The following PSMD14 variants were observed in gnomAD, a reference collection of about 807,000 sequenced individuals.
PSMD14 encodes ubiquitin C-terminal hydrolase PSMD14.
PSMD14 carries 7 observed loss-of-function variants against 41.2 expected under a neutral mutation model. The observed-to-expected ratio is 0.17, with a 90% CI of 0.10 to 0.32. PSMD14 has a LOEUF of 0.32. Among genes scored for constraint, PSMD14 ranks in the 10% least tolerant of loss-of-function variants. The pLI, the probability that PSMD14 is intolerant of heterozygous loss-of-function variation, is 1.00. For synonymous variants in PSMD14, 114 were observed against 122.3 expected, an observed-to-expected ratio of 0.93 and a Z score of 0.45; for missense variants, 139 against 375.6, an observed-to-expected ratio of 0.37 and a Z score of 5.21.
At chr2:161,326,649 A>G (rs1019582334) in intron 3 of PSMD14, among the ~76,000 whole-genome samples, 1 of 152,194 alleles carries the variant, frequency 6.6e-6, no homozygotes, top group African/African-American at 2.4e-5. Flanking sequence ...GGTGGAAACA[A>G]CTCAGATGTC....
intron 3 of PSMD14, among the ~76,000 whole-genome samples, chr2:161,356,324 A>G (rs1004374635): frequency 1.3e-5 from 2 of 152,152 alleles, no homozygotes; most frequent in African/African-American, 4.8e-5. Flanking sequence ...TTTTCACACT[A>G]GTTGTTTAAT....
At chr2:161,388,646 T>G (rs1460381707) in intron 8 of PSMD14, among the ~76,000 whole-genome samples, 4 of 152,158 alleles carry the variant, frequency 2.6e-5, no homozygotes. Context: ...TAGAACGTGA[T>G]TTAAAGGATA....
Position 161,366,318 on chromosome 2 carries a change from A to G in PSMD14, c.49-1160A>G, listed in dbSNP as rs572042672. Among the ~76,000 whole-genome samples the G allele has an allele frequency of 7.2e-5, 11 of 152,190 alleles. No homozygotes were observed. In the South Asian group the frequency reaches 1.7e-3, roughly 23 times the overall value. On this transcript the variant is annotated intron_variant, in intron 3 of 11. Transcript: ENST00000409682. ...ATTTTATTTAGAGAAAACTTATTCT[A>G]GAACCTTTTATACTTAATGCTTCCA...
chr2:161,392,926 T>C (rs1683733184), intron 9 of PSMD14, among the ~76,000 whole-genome samples: 1 of 152,186 alleles, frequency 6.6e-6, no homozygotes, highest in South Asian at 2.1e-4. Flanking sequence ...ATTACATCAA[T>C]TTTTCTTTCT....
chr2:161,385,609 A>T (rs779480643), intron 8 of PSMD14, 38 bp downstream of exon 8: 1 of 1,316,896 alleles, frequency 7.6e-7, no homozygotes. Flanking sequence ...AAACTCTTTT[A>T]AATTTTAAAA....
intron 3 of PSMD14, among the ~76,000 whole-genome samples, chr2:161,352,918 C>T (rs1683139247): frequency 6.6e-6 from 1 of 152,186 alleles, no homozygotes; most frequent in Non-Finnish European, 1.5e-5. Context: ...ATCACAGTAG[C>T]ATCCACTTAA....
intron 3 of PSMD14, among the ~76,000 whole-genome samples, chr2:161,329,652 A>C (rs1364716463): frequency 6.6e-6 from 1 of 152,162 alleles, no homozygotes; most frequent in Non-Finnish European, 1.5e-5. Context: ...AACTACAAAT[A>C]ATGGTGATTT....
At chr2:161,409,742 G>T (rs1163317828) in intron 11 of PSMD14, 1 of 151,958 alleles carries the variant, frequency 6.6e-6, no homozygotes, top group African/African-American at 2.4e-5. Flanking sequence ...GAGCAGTAGG[G>T]GCAAAGGTCT....
intron 10 of PSMD14, chr2:161,408,239 T>G (rs1683979467): frequency 6.6e-6 from 1 of 152,094 alleles, no homozygotes; most frequent in Non-Finnish European, 1.5e-5. Flanking sequence ...TCATGTGGAG[T>G]AGTTTCAGAT....
intron 3 of PSMD14, among the ~76,000 whole-genome samples, chr2:161,349,816 A>G (rs932291805): frequency 2.0e-5 from 3 of 152,174 alleles, no homozygotes; most frequent in African/African-American, 4.8e-5. Flanking sequence ...CTTGCAAGGT[A>G]TGGTCTAAAC....
intron 3 of PSMD14, among the ~76,000 whole-genome samples, chr2:161,350,932 T>G (rs1327771497): frequency 6.6e-6 from 1 of 152,230 alleles, no homozygotes; most frequent in Non-Finnish European, 1.5e-5. Context: ...CTTCAAATGT[T>G]TCTTCTCATC....
chr2:161,336,855 G>A (rs767872613), intron 3 of PSMD14, among the ~76,000 whole-genome samples: 44 of 152,302 alleles, frequency 2.9e-4, no homozygotes, highest in Admixed American at 4.6e-4. Context: ...GATTATAGGC[G>A]TGAGCCACCG....
At position 161,385,472 on chromosome 2, in the gene PSMD14, T is replaced by C; in HGVS notation, c.471T>C (p.Ile157=). ...PIQSVKGKVV[I]DAFRLINANM... The stretch of plus-strand genomic sequence containing the variant: ...ACACCTTGTTTTTACAGGTTGTTAT[T>C]GATGCCTTCAGATTGATCAATGCTA... Residue 157 remains isoleucine, a synonymous_variant, in exon 8 of 12, where the codon ATT becomes ATC. Transcript: ENST00000409682. The C allele has an allele frequency of 1.3e-6, 2 of 1,596,536 alleles. No homozygotes were observed. The highest frequency in any genetic ancestry group is 1.7e-6 in the Non-Finnish European group (2 of 1,170,318).
chr2:161,376,210 C>T (rs1274331021), intron 7 of PSMD14, among the ~76,000 whole-genome samples: 1 of 151,208 alleles, frequency 6.6e-6, no homozygotes, highest in Admixed American at 6.6e-5. Flanking sequence ...TTTTTATCTC[C>T]TCTTTACAGT....
chr2:161,326,015 T>C (rs1380564846), intron 3 of PSMD14, among the ~76,000 whole-genome samples: 1 of 152,182 alleles, frequency 6.6e-6, no homozygotes, highest in Non-Finnish European at 1.5e-5. Context: ...GGATTGAATA[T>C]CTAAATATGA....
intron 3 of PSMD14, among the ~76,000 whole-genome samples, chr2:161,358,626 G>A (rs1683241143): frequency 1.3e-5 from 2 of 152,118 alleles, no homozygotes; most frequent in Admixed American, 1.3e-4. Context: ...TGACTCATAC[G>A]TTTTTCTCCT....
In PSMD14 at chr2:161,385,176, G is replaced by T. The variant is rs193276522; in HGVS notation, c.463-288G>T. 46 of 191,178 alleles carry T rather than the reference G, an allele frequency of 2.4e-4. 1 individual carries two copies. The East Asian group carries it at 4.0e-3, about 17-fold the overall frequency. The allele number at this position is 191,178 out of a possible 1,614,324, so 11.8% of individuals were successfully genotyped here. On this transcript the variant is annotated intron_variant, in intron 7 of 11. Transcript: ENST00000409682. The stretch of plus-strand genomic sequence containing the variant: ...ATATGCACACCAGTGAAAGCTGTTT[G>T]GTGTAAGTTTAGTAATGACATATTT...
intron 3 of PSMD14, among the ~76,000 whole-genome samples, chr2:161,353,390 C>T (rs1559045176): frequency 1.3e-5 from 2 of 152,196 alleles, no homozygotes; most frequent in Non-Finnish European, 2.9e-5. Context: ...GTCACATCCT[C>T]AGAAAAACAA....
At chr2:161,344,174 A>G (rs1057218500) in intron 3 of PSMD14, among the ~76,000 whole-genome samples, 2 of 151,988 alleles carry the variant, frequency 1.3e-5, no homozygotes, top group African/African-American at 4.8e-5. Flanking sequence ...GTACTGAGGG[A>G]TGACTATACT....
Sources: gnomAD v4.1 joint callset for allele counts (sites outside exome capture counted in the v4.1 genomes callset) on GRCh38, gnomAD v4.1.1 for gene constraint, MANE v1.5 for transcripts, NCBI Gene and HGNC (gene_info 2026-07-23, HGNC 2026-07-21) for gene names.